SYTL3: variants seen among roughly 807,000 people sequenced by gnomAD.
SYTL3 encodes the protein synaptotagmin-like protein 3.
SYTL3 carries 88 observed loss-of-function variants against 82.1 expected under a neutral mutation model. That is an observed-to-expected ratio of 1.07 (90% CI 0.90 to 1.28). The LOEUF (loss-of-function observed/expected upper bound fraction) is 1.28, where lower values mean the gene tolerates loss of function less well. Among genes scored for constraint, SYTL3 ranks in the 50% most tolerant of loss-of-function variants. The pLI is 0.00. For missense variants in SYTL3, 831 were observed against 757.6 expected (o/e 1.10, Z -1.14); for synonymous variants, 311 against 289.4 (o/e 1.07, Z -0.76).
At chr6:158,668,920 G>A (rs1777048752) in intron 5 of SYTL3, among the ~76,000 whole-genome samples, 1 of 152,152 alleles carries the variant, frequency 6.6e-6, no homozygotes, top group African/African-American at 2.4e-5. Context: ...AAGGCACACT[G>A]GAAAGGACTT....
intron 13 of SYTL3, among the ~76,000 whole-genome samples, chr6:158,753,077 C>CT (rs34396644): frequency 0.053 from 5,278 of 99,138 alleles, 405 homozygotes; most frequent in African/African-American, 0.19. Context: ...TTCTTCTTTT[C>CT]TTTTTTTTTT....
chr6:158,672,556 C>CTTCT (rs1554243984), intron 5 of SYTL3, among the ~76,000 whole-genome samples: 113 of 126,170 alleles, frequency 9.0e-4, no homozygotes, highest in African/African-American at 3.0e-3. Context: ...TTTTTTGTTT[C>CTTCT]TTTTTTTTTT....
intron 6 of SYTL3, among the ~76,000 whole-genome samples, chr6:158,697,388 A>T (rs1780671047): frequency 6.6e-6 from 1 of 151,920 alleles, no homozygotes; most frequent in Admixed American, 6.6e-5. Context: ...GTGAGCCAAG[A>T]TCGCGCCACT....
chr6:158,677,594 A>T (rs923058840), intron 5 of SYTL3, among the ~76,000 whole-genome samples: 1 of 151,438 alleles, frequency 6.6e-6, no homozygotes, highest in Admixed American at 6.6e-5. Context: ...AACCCCAGCT[A>T]CTTGGGAGGC....
At chr6:158,680,905 A>G (rs1313453632) in intron 5 of SYTL3, among the ~76,000 whole-genome samples, 10 of 152,238 alleles carry the variant, frequency 6.6e-5, no homozygotes, top group Non-Finnish European at 1.5e-4. Flanking sequence ...CACAATTACT[A>G]GCACTTCATA....
At position 158,718,072 on chromosome 6, in the gene SYTL3, G is replaced by A; in HGVS notation, c.596-15G>A. On this transcript the variant is annotated splice_polypyrimidine_tract_variant and intron_variant, in intron 9 of 17. Transcript: ENST00000611299. ...TGCTTGTTCCCACCCATCAACCCTT[G>A]TGTTTGCCTTTTAGAGCTCTCCAAA... The A allele has an allele frequency of 3.3e-6, 5 of 1,514,218 alleles. No homozygotes were observed. In the African/African-American group the frequency reaches 4.2e-5, roughly 13 times the overall value. The allele number at this position is 1,514,218 out of a possible 1,614,324, so 93.8% of individuals were successfully genotyped here.
intron 1 of SYTL3, 100 bp from the exon 2 acceptor site, chr6:158,651,653 G>T (rs1788035382): frequency 6.6e-6 from 1 of 151,778 alleles, no homozygotes; most frequent in Non-Finnish European, 1.5e-5. Context: ...ATACAAAGAG[G>T]TCAAGTTTAA....
At chr6:158,680,575 CAAAAA>C (rs71297002) in intron 5 of SYTL3, among the ~76,000 whole-genome samples, 3 of 78,262 alleles carry the variant, frequency 3.8e-5, no homozygotes, top group African/African-American at 8.4e-5. Flanking sequence ...CCCGTCTCTA[CAAAAA>C]AAAAAAAAAA....
intron 6 of SYTL3, among the ~76,000 whole-genome samples, chr6:158,692,194 C>G (rs1779957557): frequency 8.2e-6 from 1 of 121,646 alleles, no homozygotes; most frequent in Non-Finnish European, 1.6e-5. Flanking sequence ...GGAACTGGAG[C>G]TTGCAGTGAG....
intron 11 of SYTL3, among the ~76,000 whole-genome samples, chr6:158,737,894 G>T (rs545974695): frequency 2.0e-5 from 3 of 152,346 alleles, no homozygotes; most frequent in East Asian, 3.9e-4. Context: ...ATGGCCCAGA[G>T]ATTTAGGAGC....
rs1453620512 is a variant in SYTL3 at position 158,663,067 on chromosome 6, T to C, written c.-202T>C. 2.1e-6 allele frequency: 1 copy of C among 477,974 alleles called. No homozygotes were observed. Among genetic ancestry groups the C allele is most frequent in the Non-Finnish European group, 3.7e-6 (1 of 269,252 alleles). The allele number at this position is 477,974 out of a possible 1,614,324, so 29.6% of individuals were successfully genotyped here. On this transcript the variant is annotated 5_prime_UTR_variant, in exon 4 of 18. The change abolishes the stop of an existing upstream ORF in the 5' untranslated region. Transcript: ENST00000611299. ...TAACTCCGACAAACGCAGAACTTCT[T>C]GAGGCTTTCTTCTTCTAAGGAGTAT...
At chr6:158,704,728 G>T (rs1781791719) in intron 6 of SYTL3, among the ~76,000 whole-genome samples, 1 of 152,278 alleles carries the variant, frequency 6.6e-6, no homozygotes, top group Admixed American at 6.5e-5. Context: ...GTTCCAGGTG[G>T]TAGTGTGATA....
At chr6:158,677,882 T>G (rs1342458140) in intron 5 of SYTL3, among the ~76,000 whole-genome samples, 1 of 151,984 alleles carries the variant, frequency 6.6e-6, no homozygotes, top group Admixed American at 6.6e-5. Context: ...GCTGCTTTTG[T>G]TGTTGTTGTT....
At chr6:158,702,075 C>A (rs898962566) in intron 6 of SYTL3, among the ~76,000 whole-genome samples, 9 of 151,952 alleles carry the variant, frequency 5.9e-5, no homozygotes, top group Non-Finnish European at 8.8e-5. Context: ...TGGGCTCAAG[C>A]TATCCTCCCA....
At chr6:158,737,206 T>C (rs1786298715) in intron 11 of SYTL3, among the ~76,000 whole-genome samples, 1 of 152,160 alleles carries the variant, frequency 6.6e-6, no homozygotes. Context: ...CATGACCCTA[T>C]GAAATAGATC....
chr6:158,743,715 G>T (rs1408757774), intron 11 of SYTL3, among the ~76,000 whole-genome samples: 1 of 150,576 alleles, frequency 6.6e-6, no homozygotes, highest in Non-Finnish European at 1.5e-5. Context: ...CAAAGTGCTG[G>T]GATTACAGGC....
rs1787914654 is a variant in SYTL3 at position 158,650,812 on chromosome 6, G to T, written c.-727+734G>T. The stretch of plus-strand genomic sequence containing the variant: ...AAAAAAATACAAAAATTAGCTGGGT[G>T]TGGTGGCAGGCACCTGTAATCCCAG... On this transcript the variant is annotated intron_variant, in intron 1 of 17. Transcript: ENST00000611299. 5.3e-5 allele frequency among the ~76,000 whole-genome samples: 8 copies of T among 151,898 alleles called. No individual in the cohort carries two copies. The South Asian group carries it at 1.7e-3, about 32-fold the overall frequency.
chr6:158,660,412 C>G (rs1562343400), intron 2 of SYTL3, among the ~76,000 whole-genome samples: 1 of 152,250 alleles, frequency 6.6e-6, no homozygotes, highest in Non-Finnish European at 1.5e-5. Flanking sequence ...TGAATGGGCA[C>G]TAGGGGGAGC....
rs142174521 is a variant in SYTL3, at chr6:158,714,851, G to A, written c.595+973G>A. Among the ~76,000 whole-genome samples, 15 of 152,244 alleles carry A rather than the reference G, an allele frequency of 9.9e-5. No homozygotes were observed. In the East Asian group the frequency reaches 2.3e-3, roughly 23 times the overall value. The stretch of plus-strand genomic sequence containing the variant: ...TTTATGTGACTTTAATTAGTTGTCC[G>A]TATTCCTCATGAGCCCTGTGTCAGC... On this transcript the variant is annotated intron_variant, in intron 9 of 17. Coordinates refer to ENST00000611299, the MANE Select transcript of SYTL3 (RefSeq NM_001242394.2).
Sources: gnomAD v4.1 joint callset for allele counts (sites outside exome capture counted in the v4.1 genomes callset) on GRCh38, gnomAD v4.1.1 for gene constraint, MANE v1.5 for transcripts, NCBI Gene and HGNC (gene_info 2026-07-23, HGNC 2026-07-21) for gene names.